Variants in VIPR1 observed in about 807,000 individuals in gnomAD.
The protein encoded by VIPR1 is vasoactive intestinal polypeptide receptor 1.
In VIPR1, 59 loss-of-function variants were observed where a neutral mutation model predicts 58.8. The ratio of observed to expected loss-of-function variants is 1.00; its 90% CI spans 0.81 to 1.25. VIPR1 has a LOEUF of 1.25. VIPR1 is among the 50% of genes most tolerant of loss of function. The pLI, the probability that VIPR1 is intolerant of heterozygous loss-of-function variation, is 0.00. For synonymous variants in VIPR1, 251 were observed against 242.1 expected (o/e 1.04, Z -0.34); for missense variants, 626 against 602.7 (o/e 1.04, Z -0.40).
intron 3 of VIPR1, 112 bp downstream of exon 3, chr3:42,519,442 C>T (rs942753156): frequency 4.8e-6 from 4 of 841,762 alleles, no homozygotes; most frequent in East Asian, 3.1e-5. Context: ...TGGAGCAATC[C>T]GAGGGACTCC....
At chr3:42,525,855 A>T (rs750230012) in intron 3 of VIPR1, 32 bp from the exon 4 acceptor site, 2 of 1,574,510 alleles carry the variant, frequency 1.3e-6, no homozygotes, top group Admixed American at 3.7e-5. Context: ...TCCCGGCCTC[A>T]GCCTTTGTCC....
In VIPR1 at chr3:42,531,487, C is replaced by G; in HGVS notation, c.807C>G (p.Phe269Leu). ...ILIGWGVPST[F>L]TMVWTIARIH... ...GCCTGACAGGGGTACCCAGCACATT[C>G]ACCATGGTGTGGACCATCGCCAGGA... Residue 269 changes from phenylalanine to leucine, a missense_variant, in exon 8 of 13, where the codon TTC becomes TTG. By Grantham distance (22) the Phe-to-Leu change is conservative. Coordinates refer to ENST00000325123, the MANE Select transcript of VIPR1 (RefSeq NM_004624.4). 2 of 1,588,950 alleles carry G rather than the reference C, an allele frequency of 1.3e-6. No homozygotes were observed.
chr3:42,490,800 G>A (rs1186070192), intron 1 of VIPR1, among the ~76,000 whole-genome samples: 2 of 152,126 alleles, frequency 1.3e-5, no homozygotes, highest in Non-Finnish European at 2.9e-5. Context: ...TGGGAATACC[G>A]GGGAAGAGCA....
At position 42,531,524 on chromosome 3, in the gene VIPR1, G is replaced by A. The variant is rs1701551571; in HGVS notation, c.844G>A (p.Asp282Asn). The A allele has an allele frequency of 1.9e-6, 3 of 1,596,264 alleles. No individual in the cohort carries two copies. The highest frequency in any genetic ancestry group is 2.7e-5 in the African/African-American group (2 of 74,764). The change falls in exon 8 of 13, where the codon GAT becomes AAT. Residue 282 changes from aspartate to asparagine, a missense_variant. Transcript: ENST00000325123. The stretch of plus-strand genomic sequence containing the variant: ...GACCATCGCCAGGATCCATTTTGAG[G>A]ATTATGGGTGAGCTGCTGCCCCACA... ...VWTIARIHFE[D>N]YGCWDTINSS... is the part of the protein sequence containing the mutation.
At chr3:42,518,559 T>G (rs1287985228) in intron 2 of VIPR1, among the ~76,000 whole-genome samples, 2 of 152,048 alleles carry the variant, frequency 1.3e-5, no homozygotes, top group Non-Finnish European at 2.9e-5. Flanking sequence ...GCCAACATGG[T>G]GAAACCCTGT....
At chr3:42,522,588 G>T (rs1701008655) in intron 3 of VIPR1, among the ~76,000 whole-genome samples, 1 of 152,126 alleles carries the variant, frequency 6.6e-6, no homozygotes, top group Admixed American at 6.6e-5. Flanking sequence ...AGCCTAGGAA[G>T]CTCAAACTTG....
At chr3:42,533,453 T>TGAGG (rs1701683063) in intron 10 of VIPR1, 1 of 151,824 alleles carries the variant, frequency 6.6e-6, no homozygotes, top group Non-Finnish European at 1.5e-5. Context: ...TGCAGTCTGC[T>TGAGG]GAGGGGCAGC....
At chr3:42,506,709 G>A (rs1700133940) in intron 1 of VIPR1, 1 of 151,926 alleles carries the variant, frequency 6.6e-6, no homozygotes, top group African/African-American at 2.4e-5. Context: ...TGTATTTTTA[G>A]TAGAGACAGG....
At chr3:42,521,978 C>A (rs1700945436) in intron 3 of VIPR1, among the ~76,000 whole-genome samples, 1 of 149,956 alleles carries the variant, frequency 6.7e-6, no homozygotes, top group Non-Finnish European at 1.5e-5. Flanking sequence ...GAACTCCTGA[C>A]CTCATGATCC....
At chr3:42,515,672 AG>A (rs1700588126) in intron 2 of VIPR1, among the ~76,000 whole-genome samples, 1 of 152,214 alleles carries the variant, frequency 6.6e-6, no homozygotes, top group Admixed American at 6.5e-5. Context: ...GACCTTCTGT[AG>A]GGCTCTGTGC....
In VIPR1 at chr3:42,536,267, G is replaced by A; in HGVS notation, c.1360G>A (p.Val454Ile). The A allele has an allele frequency of 1.3e-6, 2 of 1,566,058 alleles. No homozygotes were observed. The highest frequency in any genetic ancestry group is 1.7e-6 in the Non-Finnish European group (2 of 1,162,654). The change falls in exon 13 of 13, where the codon GTC becomes ATC. Residue 454 changes from valine to isoleucine, a missense_variant. Val to Ile is a conservative substitution (Grantham distance 29). Transcript: ENST00000325123. ...CCGCTCCTCCAGCTTCCAAGCCGAA[G>A]TCTCCCTGGTCTGACCACCAGGATC... is the stretch of plus-strand genomic sequence containing the variant. ...ARRSSSFQAE[V>I]SLV
Position 42,528,138 on chromosome 3 carries a change from C to T in VIPR1, c.636+15C>T, listed in dbSNP as rs753622307. 1.5e-5 allele frequency: 24 copies of T among 1,611,364 alleles called. No individual in the cohort carries two copies. The Admixed American group carries it at 3.8e-4, about 26-fold the overall frequency. On this transcript the variant is annotated intron_variant, in intron 6 of 12. Coordinates refer to ENST00000325123, the MANE Select transcript of VIPR1 (RefSeq NM_004624.4). ...CCGAGGGCTCGGTGAGGATCCTGGC[C>T]CTGGCCCACCTCCCTCAGTCTCGCC... is the stretch of plus-strand genomic sequence containing the variant.
chr3:42,491,390 T>C (rs1001396337), intron 1 of VIPR1, among the ~76,000 whole-genome samples: 3 of 152,218 alleles, frequency 2.0e-5, no homozygotes, highest in African/African-American at 7.2e-5. Context: ...GTCCTTATCC[T>C]TTAGATGTAC....
intron 1 of VIPR1, chr3:42,512,773 G>T (rs1700418768): frequency 2.0e-6 from 2 of 985,456 alleles, no homozygotes; most frequent in Non-Finnish European, 2.4e-6. Flanking sequence ...AAACTGGTGT[G>T]GGGTTGCCGG....
At chr3:42,519,886 G>A (rs1017458646) in intron 3 of VIPR1, among the ~76,000 whole-genome samples, 6 of 152,206 alleles carry the variant, frequency 3.9e-5, no homozygotes, top group African/African-American at 1.4e-4. Context: ...CACTGAGCTG[G>A]ACAAACACAG....
chr3:42,536,187 G>A lies in VIPR1; in HGVS notation c.1280G>A (p.Gly427Asp). The A allele has an allele frequency of 1.2e-6, 2 of 1,603,802 alleles. No homozygotes were observed. The highest frequency in any genetic ancestry group is 1.1e-5 in the South Asian group (1 of 89,166). Residue 427 changes from glycine to aspartate, a missense_variant, in exon 13 of 13, where the codon GGC becomes GAC. Coordinates refer to ENST00000325123, the MANE Select transcript of VIPR1 (RefSeq NM_004624.4). ...CGGCACCCGTCGGGAGGCAGCAACG[G>A]CGCCACGTGCAGCACGCAGGTTTCC... ...KYRHPSGGSNGATCSTQVSML... is the reference protein window; with the variant it reads ...KYRHPSGGSNDATCSTQVSML...
chr3:42,503,297 G>A (rs1350094089), intron 1 of VIPR1, among the ~76,000 whole-genome samples: 1 of 152,130 alleles, frequency 6.6e-6, no homozygotes. Context: ...CTTGAGAAGG[G>A]GTTCTTGGGA....
intron 10 of VIPR1, 85 bp downstream of exon 10, chr3:42,532,418 C>A: frequency 7.3e-7 from 1 of 1,374,878 alleles, no homozygotes; most frequent in Non-Finnish European, 1.0e-6. Flanking sequence ...GTCCTCCCAC[C>A]CCAAACATCC....
chr3:42,519,015 G>A (rs993245967), intron 2 of VIPR1, among the ~76,000 whole-genome samples: 2 of 152,214 alleles, frequency 1.3e-5, no homozygotes, highest in African/African-American at 4.8e-5. Context: ...AAGGACCAAG[G>A]AACTGTAGTC....
Sources: allele counts gnomAD v4.1 joint callset (sites outside exome capture counted in the v4.1 genomes callset), GRCh38; gene constraint gnomAD v4.1.1; transcripts MANE v1.5; gene names NCBI Gene and HGNC (gene_info 2026-07-23, HGNC 2026-07-21).